Variants in SNX3 observed in about 807,000 individuals in gnomAD.
The protein encoded by SNX3 is sorting nexin 3.
A neutral mutation model predicts 17.7 loss-of-function variants in SNX3; 5 were observed. The ratio of observed to expected loss-of-function variants is 0.28; its 90% CI spans 0.15 to 0.59. SNX3 has a LOEUF of 0.59. Among genes scored for constraint, SNX3 ranks in the 20% least tolerant of loss-of-function variants. SNX3 has a pLI of 0.88. For missense variants in SNX3, 132 were observed against 206.8 expected (o/e 0.64, Z 2.22); for synonymous variants, 91 against 76.5 (o/e 1.19, Z -0.99).
intron 1 of SNX3, among the ~76,000 whole-genome samples, chr6:108,228,705 AG>A (rs1212613208): frequency 3.3e-5 from 5 of 152,226 alleles, no homozygotes; most frequent in African/African-American, 1.2e-4. Flanking sequence ...CTCAAAAAAA[AG>A]GGGGGCATTT....
chr6:108,226,385 A>G (rs1484401713), intron 1 of SNX3, among the ~76,000 whole-genome samples: 3 of 152,214 alleles, frequency 2.0e-5, no homozygotes, highest in Non-Finnish European at 2.9e-5. Context: ...AAAAGATTTT[A>G]AAATGTGCAA....
chr6:108,248,100 C>T (rs1202023683), intron 1 of SNX3, among the ~76,000 whole-genome samples: 2 of 152,156 alleles, frequency 1.3e-5, no homozygotes, highest in African/African-American at 2.4e-5. Context: ...CAGATGCTGG[C>T]AGTGAAGCAC....
chr6:108,213,971 A>C (rs694026), intron 3 of SNX3, among the ~76,000 whole-genome samples: 1 of 152,248 alleles, frequency 6.6e-6, no homozygotes, highest in Non-Finnish European at 1.5e-5. Context: ...AATGGGAATA[A>C]AATTAAAAGC....
intron 1 of SNX3, among the ~76,000 whole-genome samples, chr6:108,257,581 T>C (rs191873313): frequency 1.8e-4 from 28 of 152,296 alleles, no homozygotes; most frequent in African/African-American, 6.3e-4. Flanking sequence ...TGCAAGACTA[T>C]AATTACTCTA....
At chr6:108,216,881 A>G (rs973585238) in intron 2 of SNX3, among the ~76,000 whole-genome samples, 2 of 152,206 alleles carry the variant, frequency 1.3e-5, no homozygotes, top group Admixed American at 1.3e-4. Context: ...AATGATGAAG[A>G]TATCTATGGA....
intron 1 of SNX3, among the ~76,000 whole-genome samples, chr6:108,244,812 T>C (rs1290001812): frequency 1.3e-5 from 2 of 151,946 alleles, no homozygotes; most frequent in African/African-American, 4.8e-5. Flanking sequence ...GCTAATTTTT[T>C]GTGTTTTCAG....
chr6:108,258,181 C>T (rs1776084921), intron 1 of SNX3, among the ~76,000 whole-genome samples: 2 of 151,234 alleles, frequency 1.3e-5, no homozygotes, highest in Admixed American at 1.3e-4. Flanking sequence ...ATTTTCAGGC[C>T]AGGCGCGGTG....
intron 1 of SNX3, among the ~76,000 whole-genome samples, chr6:108,229,897 T>C (rs1775088831): frequency 6.6e-6 from 1 of 152,102 alleles, no homozygotes; most frequent in Non-Finnish European, 1.5e-5. Flanking sequence ...ATAAATATGT[T>C]TGAATAGAAA....
chr6:108,251,722 C>T (rs186855770), intron 1 of SNX3, among the ~76,000 whole-genome samples: 23 of 152,276 alleles, frequency 1.5e-4, no homozygotes, highest in Admixed American at 1.0e-3. Context: ...CTATAGCAAA[C>T]GTCACATTTT....
intron 2 of SNX3, among the ~76,000 whole-genome samples, chr6:108,216,038 C>T (rs940316289): frequency 6.6e-6 from 1 of 152,182 alleles, no homozygotes; most frequent in African/African-American, 2.4e-5. Flanking sequence ...CCTAGCACTA[C>T]TGAGAATCAG....
At chr6:108,213,223 G>C (rs1327441432) in intron 3 of SNX3, among the ~76,000 whole-genome samples, 1 of 152,064 alleles carries the variant, frequency 6.6e-6, no homozygotes, top group Admixed American at 6.6e-5. Context: ...ATACAGGATT[G>C]AAGTTAGAAA....
At chr6:108,257,900 G>A (rs1381956721) in intron 1 of SNX3, among the ~76,000 whole-genome samples, 3 of 151,924 alleles carry the variant, frequency 2.0e-5, no homozygotes, top group African/African-American at 7.3e-5. Context: ...GAAGGCAGAG[G>A]TTGCAGTGAG....
intron 1 of SNX3, among the ~76,000 whole-genome samples, chr6:108,235,978 C>T (rs184242244): frequency 7.3e-4 from 111 of 151,096 alleles, no homozygotes; most frequent in African/African-American, 2.7e-3. Flanking sequence ...TGATTATATT[C>T]TGAGTAGTTG....
intron 1 of SNX3, among the ~76,000 whole-genome samples, chr6:108,226,750 T>C (rs957923911): frequency 6.6e-5 from 10 of 152,216 alleles, no homozygotes; most frequent in African/African-American, 2.4e-4. Context: ...TAAATCCATT[T>C]TGTAGTGGTC....
At chr6:108,258,944 G>C (rs1470739960) in intron 1 of SNX3, among the ~76,000 whole-genome samples, 1 of 152,162 alleles carries the variant, frequency 6.6e-6, no homozygotes, top group African/African-American at 2.4e-5. Flanking sequence ...AGTAAGTGGA[G>C]GAAGTGTAGG....
chr6:108,241,830 A>G (rs1775532034), intron 1 of SNX3, among the ~76,000 whole-genome samples: 1 of 152,228 alleles, frequency 6.6e-6, no homozygotes, highest in Admixed American at 6.5e-5. Flanking sequence ...AGCCATAGAC[A>G]GGAGGATAAA....
chr6:108,232,976 T>A (rs1260109809), intron 1 of SNX3, among the ~76,000 whole-genome samples: 1 of 152,204 alleles, frequency 6.6e-6, no homozygotes, highest in Non-Finnish European at 1.5e-5. Context: ...ATGTAGATTG[T>A]CACTAAGCCA....
intron 2 of SNX3, among the ~76,000 whole-genome samples, chr6:108,220,298 A>C (rs1407046142): frequency 2.0e-5 from 3 of 152,154 alleles, no homozygotes; most frequent in Non-Finnish European, 4.4e-5. Flanking sequence ...AACAACTTTC[A>C]ATCCTGCAAG....
chr6:108,224,329 G>A (rs1774912173), intron 1 of SNX3, among the ~76,000 whole-genome samples: 1 of 152,146 alleles, frequency 6.6e-6, no homozygotes, highest in Admixed American at 6.5e-5. Flanking sequence ...CGCCCAGGCT[G>A]TAGTGCAGTG....
Sources: allele counts gnomAD v4.1 joint callset (sites outside exome capture counted in the v4.1 genomes callset), GRCh38; gene constraint gnomAD v4.1.1; transcripts MANE v1.5; gene names NCBI Gene and HGNC (gene_info 2026-07-23, HGNC 2026-07-21).